The following PRKG1 variants were observed in gnomAD, a reference collection of about 807,000 sequenced individuals.
PRKG1 encodes the protein protein kinase cGMP-dependent 1, also known as cGMP-dependent protein kinase 1.
Under a neutral mutation model 88.1 loss-of-function variants are expected in PRKG1, and 35 were observed. The observed-to-expected ratio is 0.40, with a 90% CI of 0.30 to 0.53. The LOEUF (loss-of-function observed/expected upper bound fraction) is 0.53. PRKG1 is among the 20% of genes least tolerant of loss of function. PRKG1 has a pLI of 0.59. For synonymous variants in PRKG1, 303 were observed against 292.5 expected, an observed-to-expected ratio of 1.04 and a Z score of -0.37; for missense variants, 540 against 839.8, an observed-to-expected ratio of 0.64 and a Z score of 4.41.
At chr10:51,280,345 G>A (rs1840258216) in intron 2 of PRKG1, among the ~76,000 whole-genome samples, 1 of 152,180 alleles carries the variant, frequency 6.6e-6, no homozygotes, top group East Asian at 1.9e-4. Context: ...ACAATTATGT[G>A]TCTTGGAGTT....
At chr10:51,006,870 A>G (rs1589103007) in intron 1 of PRKG1, among the ~76,000 whole-genome samples, 1 of 151,812 alleles carries the variant, frequency 6.6e-6, no homozygotes, top group Non-Finnish European at 1.5e-5. Context: ...TAGTTTACAT[A>G]TGAATCATCT....
intron 4 of PRKG1, among the ~76,000 whole-genome samples, chr10:51,810,357 T>G (rs1468736817): frequency 6.6e-6 from 1 of 152,160 alleles, no homozygotes; most frequent in Admixed American, 6.6e-5. Context: ...GAAGCCCTCA[T>G]TACTGGGAGG....
At chr10:51,399,381 A>C (rs1837671801) in intron 2 of PRKG1, among the ~76,000 whole-genome samples, 1 of 152,186 alleles carries the variant, frequency 6.6e-6, no homozygotes, top group African/African-American at 2.4e-5. Context: ...TGGGAAATTC[A>C]CTGCAGTCTA....
chr10:51,340,893 TA>T (rs1358072662), intron 2 of PRKG1, among the ~76,000 whole-genome samples: 1 of 152,146 alleles, frequency 6.6e-6, no homozygotes, highest in Admixed American at 6.6e-5. Context: ...TTAAAAAGAT[TA>T]AAAACCAAAG....
chr10:51,945,473 T>C (rs1843005575), intron 5 of PRKG1, among the ~76,000 whole-genome samples: 1 of 151,398 alleles, frequency 6.6e-6, no homozygotes, highest in Admixed American at 6.6e-5. Flanking sequence ...TTAATATTGT[T>C]ATGTGTGAAT....
chr10:51,150,158 A>G (rs1443763684), intron 1 of PRKG1, among the ~76,000 whole-genome samples: 1 of 152,170 alleles, frequency 6.6e-6, no homozygotes, highest in Non-Finnish European at 1.5e-5. Flanking sequence ...ATTATTTCAA[A>G]ATATTGTTAA....
At chr10:51,422,332 G>A (rs1033833093) in intron 2 of PRKG1, among the ~76,000 whole-genome samples, 11 of 152,232 alleles carry the variant, frequency 7.2e-5, no homozygotes, top group African/African-American at 1.9e-4. Context: ...GACTCCATAG[G>A]ATGCCACAGC....
chr10:51,056,701 G>A (rs966532332), intron 1 of PRKG1, among the ~76,000 whole-genome samples: 37 of 152,116 alleles, frequency 2.4e-4, no homozygotes, highest in African/African-American at 8.9e-4. Flanking sequence ...CCAAGTTAAT[G>A]TAGTCTACAT....
At chr10:52,069,007 T>G in intron 7 of PRKG1, among the ~76,000 whole-genome samples, 1 of 105,658 alleles carries the variant, frequency 9.5e-6, no homozygotes. Context: ...CTCCAAGAAC[T>G]TTCCCAGCTG....
intron 7 of PRKG1, among the ~76,000 whole-genome samples, chr10:52,121,686 C>T (rs1847822594): frequency 1.3e-5 from 2 of 152,214 alleles, no homozygotes; most frequent in African/African-American, 4.8e-5. Context: ...ACTCCCGTTT[C>T]CAATACCTTA....
intron 8 of PRKG1, among the ~76,000 whole-genome samples, chr10:52,135,398 C>T (rs915345691): frequency 6.6e-6 from 1 of 152,022 alleles, no homozygotes; most frequent in African/African-American, 2.4e-5. Flanking sequence ...AAGGGCAGTT[C>T]AGACCATTTT....
At chr10:52,083,961 T>C (rs867899578) in intron 7 of PRKG1, among the ~76,000 whole-genome samples, 26 of 152,064 alleles carry the variant, frequency 1.7e-4, no homozygotes, top group African/African-American at 5.8e-4. Flanking sequence ...TTTAAGTAAC[T>C]GTTTTACATT....
At position 51,643,498 on chromosome 10, in the gene PRKG1, G is replaced by T. The variant is rs563069915; in HGVS notation, c.593-161087G>T. 2.0e-5 allele frequency among the ~76,000 whole-genome samples: 3 copies of T among 152,190 alleles called. No individual in the cohort carries two copies. In the South Asian group the frequency reaches 6.2e-4, roughly 32 times the overall value. Reference sequence around the variant, plus strand: ...ACTATTCATTTTCATATTTAATAAAGCTCTTATACATTGGCAGCTTTTTTA... The same window carrying T: ...ACTATTCATTTTCATATTTAATAAATCTCTTATACATTGGCAGCTTTTTTA... On this transcript the variant is annotated intron_variant, in intron 3 of 17. Transcript: ENST00000373980.
At chr10:51,956,002 T>G (rs924296416) in intron 5 of PRKG1, among the ~76,000 whole-genome samples, 3 of 152,102 alleles carry the variant, frequency 2.0e-5, no homozygotes, top group Admixed American at 1.3e-4. Flanking sequence ...GGAAAAAGAT[T>G]GATGAAGAAA....
At chr10:51,791,619 T>C (rs964476428) in intron 3 of PRKG1, among the ~76,000 whole-genome samples, 1 of 152,052 alleles carries the variant, frequency 6.6e-6, no homozygotes, top group Non-Finnish European at 1.5e-5. Flanking sequence ...GGTACCGATA[T>C]AACTCAGGTA....
rs76151119 is a variant in PRKG1 at position 51,554,681 on chromosome 10, G to T, written c.592+86845G>T. On this transcript the variant is annotated intron_variant, in intron 3 of 17. Coordinates refer to ENST00000373980, the MANE Select transcript of PRKG1 (RefSeq NM_006258.4). ...TGTGTTTCTCCCTCTATTAGACTAT[G>T]TGCATTTTAAGGGGAAAAAAGTACA... 6.7e-4 allele frequency among the ~76,000 whole-genome samples: 75 copies of T among 111,156 alleles called. No individual in the cohort carries two copies. The East Asian group carries it at 0.024, about 35-fold the overall frequency. 72.9% of individuals were successfully genotyped at this position (111,156 alleles called of 152,430 possible). A position where few individuals can be genotyped will look rare whatever the true frequency, so the allele number is the denominator to read the frequency against.
At chr10:51,104,020 T>C (rs1477200227) in intron 1 of PRKG1, among the ~76,000 whole-genome samples, 6 of 152,180 alleles carry the variant, frequency 3.9e-5, no homozygotes, top group Non-Finnish European at 7.4e-5. Flanking sequence ...CCACATTTGA[T>C]ATTTCATAGA....
intron 3 of PRKG1, among the ~76,000 whole-genome samples, chr10:51,556,462 A>G (rs1359036515): frequency 6.6e-6 from 1 of 151,870 alleles, no homozygotes; most frequent in Admixed American, 6.6e-5. Context: ...TAGTCACGAT[A>G]GCAAAGACAT....
At chr10:51,537,815 T>C (rs540548851) in intron 3 of PRKG1, among the ~76,000 whole-genome samples, 1 of 152,118 alleles carries the variant, frequency 6.6e-6, no homozygotes, top group South Asian at 2.1e-4. Context: ...TCTTTAATTG[T>C]TCAGGGCCTG....
Sources: allele counts gnomAD v4.1 joint callset (sites outside exome capture counted in the v4.1 genomes callset), GRCh38; gene constraint gnomAD v4.1.1; transcripts MANE v1.5; gene names NCBI Gene and HGNC (gene_info 2026-07-23, HGNC 2026-07-21).